SUGT1: variants seen among roughly 807,000 people sequenced by gnomAD.
The protein encoded by SUGT1 is protein SGT1 homolog.
Under a neutral mutation model 56.1 loss-of-function variants are expected in SUGT1, and 15 were observed. That is an observed-to-expected ratio of 0.27 (90% CI 0.18 to 0.41). The LOEUF (loss-of-function observed/expected upper bound fraction) is 0.41, where lower values mean the gene tolerates loss of function less well. Ranked by LOEUF, SUGT1 falls within the 10% of genes least tolerant of loss-of-function variation. SUGT1 has a pLI of 1.00. For missense variants in SUGT1, 347 were observed against 382.2 expected, an observed-to-expected ratio of 0.91 and a Z score of 0.77; for synonymous variants, 123 against 128.6, an observed-to-expected ratio of 0.96 and a Z score of 0.30.
At chr13:52,671,851 G>A (rs915391400) in intron 10 of SUGT1, among the ~76,000 whole-genome samples, 1 of 152,058 alleles carries the variant, frequency 6.6e-6, no homozygotes, top group Admixed American at 6.6e-5. Flanking sequence ...ACAACTGATT[G>A]TTTTTGTGTT....
Position 52,666,621 on chromosome 13 carries a change from C to G in SUGT1, c.520-191C>G, listed in dbSNP as rs9568749. 8.2e-4 allele frequency among the ~76,000 whole-genome samples: 124 copies of G among 152,016 alleles called. No homozygotes were observed. The East Asian group carries it at 0.02, about 24-fold the overall frequency. On this transcript the variant is annotated intron_variant, in intron 9 of 12. Coordinates refer to ENST00000310528, the MANE Select transcript of SUGT1 (RefSeq NM_006704.5). ...TAATGATGTCTATAAGAATTCATGT[C>G]AAGGATACCAGATGGAAAAAAAAGG...
chr13:52,695,819 T>G lies in SUGT1; in HGVS notation c.*7984T>G, dbSNP rs997455682. On this transcript the variant is annotated 3_prime_UTR_variant, in exon 13 of 13. Transcript: ENST00000310528. ...TTAGTGTTCAGACATCTGCTGTTTC[T>G]GAATATGTCGTGTATTTTCATTCCT... 2 of 152,270 alleles carry G rather than the reference T, an allele frequency of 1.3e-5. No individual in the cohort carries two copies. Among genetic ancestry groups the G allele is most frequent in the African/African-American group, 2.4e-5 (1 of 41,466 alleles). The allele number at this position is 152,270 out of a possible 1,614,324, so 9.4% of individuals were successfully genotyped here.
At chr13:52,666,965 T>G in intron 10 of SUGT1, 46 bp downstream of exon 10, 1 of 1,320,638 alleles carries the variant, frequency 7.6e-7, no homozygotes, top group Non-Finnish European at 1.1e-6. Context: ...TTCAAAATTA[T>G]AGAAATACTG....
intron 9 of SUGT1, 136 bp from the exon 10 acceptor site, chr13:52,666,676 T>C: frequency 1.5e-6 from 1 of 651,362 alleles, no homozygotes. Flanking sequence ...CTTTTGAGGT[T>C]CTTAAATCTA....
chr13:52,686,523 G>C (rs1052539341), intron 12 of SUGT1, among the ~76,000 whole-genome samples: 1 of 152,188 alleles, frequency 6.6e-6, no homozygotes, highest in Non-Finnish European at 1.5e-5. Context: ...AAGCCACATA[G>C]AGGTGGTGAC....
At chr13:52,662,003 CTG>C (rs1318356634) in intron 5 of SUGT1, among the ~76,000 whole-genome samples, 5 of 152,076 alleles carry the variant, frequency 3.3e-5, no homozygotes, top group South Asian at 4.1e-4. Context: ...AATCATTGTT[CTG>C]TGTCTCCAGA....
At chr13:52,682,353 C>T (rs1963412333) in intron 12 of SUGT1, among the ~76,000 whole-genome samples, 1 of 141,782 alleles carries the variant, frequency 7.1e-6, no homozygotes, top group African/African-American at 2.7e-5. Context: ...TCCATGCTGC[C>T]ATGCCTGGCT....
chr13:52,684,390 CTCTT>C (rs1284141861), intron 12 of SUGT1, among the ~76,000 whole-genome samples: 1 of 143,528 alleles, frequency 7.0e-6, no homozygotes, highest in Non-Finnish European at 1.5e-5. Context: ...AAAGAATTAG[CTCTT>C]TGTTTCGTTT....
rs764738065 is a variant in SUGT1 at position 52,697,416 on chromosome 13, G to A, written c.*9581G>A. On this transcript the variant is annotated 3_prime_UTR_variant, in exon 13 of 13. Transcript: ENST00000310528. ...TATGAGCCCAAATGTCTTGGGGAGAGTACAGGAGAGGCCAGATCTTAAAAG... is the reference window on the plus strand; with the variant it reads ...TATGAGCCCAAATGTCTTGGGGAGAATACAGGAGAGGCCAGATCTTAAAAG... 10 of 152,340 alleles carry A rather than the reference G, an allele frequency of 6.6e-5. No individual in the cohort carries two copies. Among genetic ancestry groups the A allele is most frequent in the South Asian group, 2.1e-4 (1 of 4,826 alleles). The allele number at this position is 152,340 out of a possible 1,614,324, so 9.4% of individuals were successfully genotyped here.
rs542783189 is a variant in SUGT1 at position 52,661,895 on chromosome 13, T to G, written c.329-754T>G. On this transcript the variant is annotated intron_variant, in intron 5 of 12. Coordinates refer to ENST00000310528, the MANE Select transcript of SUGT1 (RefSeq NM_006704.5). ...AATTTTTAATTTAAGATTTTCAAATTTATCTTGTCTGCAGTTAACTTGAAT... is the reference window on the plus strand; with the variant it reads ...AATTTTTAATTTAAGATTTTCAAATGTATCTTGTCTGCAGTTAACTTGAAT... Among the ~76,000 whole-genome samples the G allele has an allele frequency of 2.2e-3, 340 of 152,280 alleles. 2 individuals carry two copies. The highest frequency in any genetic ancestry group is 3.8e-3 in the Non-Finnish European group (256 of 68,022).
chr13:52,676,163 A>G (rs1963134553), intron 10 of SUGT1, 67 bp from the exon 11 acceptor site: 2 of 1,333,544 alleles, frequency 1.5e-6, no homozygotes, highest in Non-Finnish European at 2.1e-6. Context: ...GACTTAAGAA[A>G]ACTGCATTTT....
At chr13:52,680,255 G>C in intron 12 of SUGT1, 100 bp downstream of exon 12, 1 of 1,154,264 alleles carries the variant, frequency 8.7e-7, no homozygotes, top group Non-Finnish European at 1.2e-6. Flanking sequence ...TACTATAGCT[G>C]GGAGAACTTT....
rs530247709 is a variant in SUGT1, at chr13:52,685,831, A to C, written c.901-1903A>C. On this transcript the variant is annotated intron_variant, in intron 12 of 12. Transcript: ENST00000310528. ...GAAATGCTAAATTGCCCTGCAGTCT[A>C]TTAGGAGAGATGCGGGGGTGGGGCG... Among the ~76,000 whole-genome samples the C allele has an allele frequency of 2.0e-5, 3 of 152,322 alleles. No homozygotes were observed. The South Asian group carries it at 6.2e-4, about 32-fold the overall frequency.
In SUGT1 at chr13:52,666,737, T is replaced by C. The variant is rs1962720583; in HGVS notation, c.520-75T>C. The C allele has an allele frequency of 7.7e-6, 7 of 905,042 alleles. No homozygotes were observed. The South Asian group carries it at 1.0e-4, about 13-fold the overall frequency. The allele number at this position is 905,042 out of a possible 1,614,324, so 56.1% of individuals were successfully genotyped here. A position where few individuals can be genotyped will look rare whatever the true frequency, so the allele number is the denominator to read the frequency against. On this transcript the variant is annotated intron_variant, in intron 9 of 12. Transcript: ENST00000310528. ...AATTTGTAACATTATTGAAGATTTG[T>C]CATTATTTTGTGTAGGTTTTTTACC...
At chr13:52,684,551 A>G (rs2138175476) in intron 12 of SUGT1, among the ~76,000 whole-genome samples, 2 of 151,074 alleles carry the variant, frequency 1.3e-5, no homozygotes, top group East Asian at 3.9e-4. Flanking sequence ...CTATTCACTC[A>G]TTTTTGAGAC....
chr13:52,685,381 C>G (rs558977793), intron 12 of SUGT1, among the ~76,000 whole-genome samples: 121 of 151,820 alleles, frequency 8.0e-4, no homozygotes, highest in African/African-American at 2.8e-3. Context: ...AGGTGTGAGC[C>G]ACTGCACCTG....
intron 8 of SUGT1, among the ~76,000 whole-genome samples, chr13:52,664,649 A>G (rs564627042): frequency 4.6e-5 from 7 of 152,280 alleles, no homozygotes; most frequent in Non-Finnish European, 8.8e-5. Flanking sequence ...TTCTTTAATC[A>G]AGGTGGTTTT....
In SUGT1 at chr13:52,695,659, C is replaced by T. The variant is rs1963908100; in HGVS notation, c.*7824C>T. On this transcript the variant is annotated 3_prime_UTR_variant, in exon 13 of 13. Transcript: ENST00000310528. Reference sequence around the variant, plus strand: ...TTCAAGAGTTTTCAGAATTCAACCCCAGCCAAAATTTTTGGCCACATCTCT... The same window carrying T: ...TTCAAGAGTTTTCAGAATTCAACCCTAGCCAAAATTTTTGGCCACATCTCT... The T allele has an allele frequency of 6.6e-6, 1 of 152,176 alleles. No individual in the cohort carries two copies. The highest frequency in any genetic ancestry group is 2.4e-5 in the African/African-American group (1 of 41,440). The allele number at this position is 152,176 out of a possible 1,614,324, so 9.4% of individuals were successfully genotyped here.
chr13:52,679,820 A>T (rs1437995360), intron 11 of SUGT1, among the ~76,000 whole-genome samples, 154 bp from the exon 12 acceptor site: 3 of 152,162 alleles, frequency 2.0e-5, no homozygotes, highest in Non-Finnish European at 4.4e-5. Context: ...TTTGTTATTG[A>T]CCTATATACC....
Sources: allele counts gnomAD v4.1 joint callset (sites outside exome capture counted in the v4.1 genomes callset), GRCh38; gene constraint gnomAD v4.1.1; transcripts MANE v1.5; gene names NCBI Gene and HGNC (gene_info 2026-07-23, HGNC 2026-07-21).